The following FRRS1L variants were observed in gnomAD, a reference collection of about 807,000 sequenced individuals.
FRRS1L encodes the protein DOMON domain-containing protein FRRS1L.
FRRS1L carries 22 observed loss-of-function variants against 28.6 expected under a neutral mutation model. The observed-to-expected ratio is 0.77, with a 90% confidence interval of 0.55 to 1.10. The LOEUF (loss-of-function observed/expected upper bound fraction) is 1.10. Among genes scored for constraint, FRRS1L ranks in the 50% least tolerant of loss-of-function variants. The pLI, the probability that FRRS1L is intolerant of heterozygous loss-of-function variation, is 0.00. For missense variants in FRRS1L, 380 were observed against 386.9 expected, an observed-to-expected ratio of 0.98 and a Z score of 0.15; for synonymous variants, 158 against 151.4, an observed-to-expected ratio of 1.04 and a Z score of -0.32.
rs1831045856 is a variant in FRRS1L, at chr9:109,130,514, G to T, written c.*6941C>A. ...TAAATAGAAATCCACGTCTTTATTA[G>T]TAATGTGCCACACATCTTAGAGTAA... is the stretch of plus-strand genomic sequence containing the variant. On this transcript the variant is annotated 3_prime_UTR_variant, in exon 5 of 5. Coordinates refer to ENST00000561981, the MANE Select transcript of FRRS1L (RefSeq NM_014334.4). 6.6e-6 allele frequency: 1 copy of T among 152,156 alleles called. No homozygotes were observed. Among genetic ancestry groups the T allele is most frequent in the Non-Finnish European group, 1.5e-5 (1 of 68,022 alleles). 9.4% of individuals were successfully genotyped at this position (152,156 alleles called of 1,614,324 possible).
chr9:109,130,605 A>T lies in FRRS1L; in HGVS notation c.*6850T>A, dbSNP rs376998116. 12 of 152,360 alleles carry T rather than the reference A, an allele frequency of 7.9e-5. No homozygotes were observed. In the South Asian group the frequency reaches 2.5e-3, roughly 32 times the overall value. 9.4% of individuals were successfully genotyped at this position (152,360 alleles called of 1,614,324 possible). A position where few individuals can be genotyped will look rare whatever the true frequency, so the allele number is the denominator to read the frequency against. ...AAAATTAATCACAAACATTAGGTAC[A>T]CAATTGTTATAAAACAAATATAACC... On this transcript the variant is annotated 3_prime_UTR_variant, in exon 5 of 5. Coordinates refer to ENST00000561981, the MANE Select transcript of FRRS1L (RefSeq NM_014334.4).
Position 109,132,368 on chromosome 9 carries a change from T to C in FRRS1L, c.*5087A>G, listed in dbSNP as rs184142730. 3.9e-5 allele frequency: 6 copies of C among 152,242 alleles called. No homozygotes were observed. The highest frequency in any genetic ancestry group is 8.8e-5 in the Non-Finnish European group (6 of 68,042). The allele number at this position is 152,242 out of a possible 1,614,324, so 9.4% of individuals were successfully genotyped here. The stretch of plus-strand genomic sequence containing the variant: ...AGCAGTTCAGCGCAATGGTTGTCCA[T>C]GATCACCACAGTTACTTAAGACAAA... On this transcript the variant is annotated 3_prime_UTR_variant, in exon 5 of 5. Coordinates refer to ENST00000561981, the MANE Select transcript of FRRS1L (RefSeq NM_014334.4).
chr9:109,165,584 T>C (rs931702535), intron 1 of FRRS1L, among the ~76,000 whole-genome samples: 3 of 152,244 alleles, frequency 2.0e-5, no homozygotes, highest in African/African-American at 4.8e-5. Flanking sequence ...CTCTACTTAA[T>C]ACATTTCCCC....
intron 1 of FRRS1L, among the ~76,000 whole-genome samples, chr9:109,160,925 T>A (rs1177302944): frequency 2.6e-5 from 4 of 151,880 alleles, no homozygotes. Context: ...CCCGAGTAGC[T>A]GGGATTACAG....
chr9:109,154,607 A>C (rs1035035065), intron 1 of FRRS1L, among the ~76,000 whole-genome samples: 3 of 152,152 alleles, frequency 2.0e-5, no homozygotes. Flanking sequence ...TTAAATTGGT[A>C]TTTCTTGATT....
At chr9:109,162,227 C>T (rs1418251620) in intron 1 of FRRS1L, among the ~76,000 whole-genome samples, 1 of 152,094 alleles carries the variant, frequency 6.6e-6, no homozygotes, top group African/African-American at 2.4e-5. Context: ...GAGGCATGAG[C>T]ATCATTTGAA....
At chr9:109,166,322 T>TA (rs1164682118) in intron 1 of FRRS1L, among the ~76,000 whole-genome samples, 2 of 151,974 alleles carry the variant, frequency 1.3e-5, no homozygotes, top group African/African-American at 4.8e-5. Context: ...GACCATAACA[T>TA]ATGTGGCGTC....
chr9:109,162,591 G>A (rs923890945), intron 1 of FRRS1L, among the ~76,000 whole-genome samples: 9 of 152,182 alleles, frequency 5.9e-5, no homozygotes, highest in Non-Finnish European at 1.2e-4. Flanking sequence ...TATGGACAAG[G>A]TACCCTAAAG....
Position 109,141,483 on chromosome 9 carries a change from GC to G in FRRS1L, c.568del (p.Ala190ProfsTer21), listed in dbSNP as rs747737869. On this transcript the variant is annotated frameshift_variant, in exon 4 of 5. Transcript: ENST00000561981. LOFTEE classifies it high-confidence loss of function. ...CTCAAAAACTCCTTCTTCATCTCTG[GC>G]AGGGTTTCTCTGAATCTCCTTTGCC... The part of the protein sequence containing the change: ...QWAKEIQRNP[A>X]RDEEGVFENN... The G allele has an allele frequency of 1.9e-5, 31 of 1,614,074 alleles. No homozygotes were observed. Among genetic ancestry groups the G allele is most frequent in the Non-Finnish European group, 2.5e-5 (30 of 1,180,008 alleles).
intron 1 of FRRS1L, among the ~76,000 whole-genome samples, chr9:109,162,302 C>T (rs1056305942): frequency 5.9e-5 from 9 of 152,094 alleles, no homozygotes; most frequent in African/African-American, 1.4e-4. Flanking sequence ...GATGACAGAG[C>T]GAGATTCTGT....
intron 3 of FRRS1L, among the ~76,000 whole-genome samples, chr9:109,146,476 C>T (rs571656221): frequency 6.6e-6 from 1 of 152,274 alleles, no homozygotes; most frequent in South Asian, 2.1e-4. Context: ...TTAGAGGACA[C>T]CTAGCTGTCC....
intron 1 of FRRS1L, among the ~76,000 whole-genome samples, chr9:109,161,164 C>T (rs1265276969): frequency 6.6e-6 from 1 of 150,738 alleles, no homozygotes; most frequent in Non-Finnish European, 1.5e-5. Context: ...CCTACCTGTC[C>T]TCCTTAGTCT....
At chr9:109,149,764 C>T (rs1466322972) in intron 1 of FRRS1L, 44 bp from the exon 2 acceptor site, 3 of 1,293,726 alleles carry the variant, frequency 2.3e-6, no homozygotes, top group Non-Finnish European at 3.3e-6. Context: ...CCAGTAACAA[C>T]TGTTCCAATG....
At chr9:109,146,908 C>G in intron 3 of FRRS1L, 143 bp downstream of exon 3, 1 of 751,676 alleles carries the variant, frequency 1.3e-6, no homozygotes, top group Non-Finnish European at 2.2e-6. Flanking sequence ...TTAAGCTAGC[C>G]TGAATTTTTT....
chr9:109,162,324 A>G (rs1039417939), intron 1 of FRRS1L, among the ~76,000 whole-genome samples: 1 of 152,166 alleles, frequency 6.6e-6, no homozygotes, highest in Non-Finnish European at 1.5e-5. Flanking sequence ...TCAAAAACAA[A>G]AACGAAAAAG....
chr9:109,160,618 G>A (rs1831469330), intron 1 of FRRS1L, among the ~76,000 whole-genome samples: 1 of 151,524 alleles, frequency 6.6e-6, no homozygotes, highest in South Asian at 2.1e-4. Flanking sequence ...AAACTCCTGG[G>A]CTCCTCTCAA....
At chr9:109,156,648 C>A (rs1185976523) in intron 1 of FRRS1L, among the ~76,000 whole-genome samples, 2 of 150,460 alleles carry the variant, frequency 1.3e-5, no homozygotes, top group Non-Finnish European at 3.0e-5. Flanking sequence ...CTCGGCCTCC[C>A]AAAGTGCTGG....
In FRRS1L at chr9:109,137,619, T is replaced by G; in HGVS notation, c.718A>C (p.Thr240Pro). Residue 240 changes from threonine (T) to proline (P), a missense_variant, in exon 5 of 5, where the codon ACT (threonine) becomes CCT (proline). Coordinates refer to ENST00000561981, the MANE Select transcript of FRRS1L (RefSeq NM_014334.4). ...AWGPAIQGSITRHDIDSPPAS... is the reference protein window; with the variant it reads ...AWGPAIQGSIPRHDIDSPPAS... The stretch of plus-strand genomic sequence containing the variant: ...GGCGGTGAGTCTATATCATGTCGAG[T>G]GATAGAGCCTTTAAGAAAAAAAGAG... The G allele has an allele frequency of 6.4e-7, 1 of 1,562,846 alleles. No individual in the cohort carries two copies. The highest frequency in any genetic ancestry group is 8.7e-7 in the Non-Finnish European group (1 of 1,151,520).
At chr9:109,153,675 G>T (rs1831365044) in intron 1 of FRRS1L, among the ~76,000 whole-genome samples, 1 of 152,182 alleles carries the variant, frequency 6.6e-6, no homozygotes, top group Non-Finnish European at 1.5e-5. Context: ...TTGGTCTGAG[G>T]TGTGGACAAT....
Sources: gnomAD v4.1 joint callset for allele counts (sites outside exome capture counted in the v4.1 genomes callset) on GRCh38, gnomAD v4.1.1 for gene constraint, MANE v1.5 for transcripts, NCBI Gene and HGNC (gene_info 2026-07-23, HGNC 2026-07-21) for gene names.